The following NFATC3 variants were observed in gnomAD, a reference collection of about 807,000 sequenced individuals.
NFATC3 encodes nuclear factor of activated T cells 3.
Under a neutral mutation model 98.6 loss-of-function variants are expected in NFATC3, and 46 were observed. The observed-to-expected ratio is 0.47, with a 90% confidence interval of 0.37 to 0.60. The LOEUF is 0.60. Ranked by LOEUF, NFATC3 falls within the 20% of genes least tolerant of loss-of-function variation. The probability of loss-of-function intolerance (pLI) is 0.00; values close to 1 mark genes in which losing one functional copy is unlikely to be tolerated. For missense variants in NFATC3, 1,256 were observed against 1,295.5 expected (o/e 0.97, Z 0.47); for synonymous variants, 512 against 472.2 (o/e 1.08, Z -1.09).
At chr16:68,217,424 A>G (rs1444663581) in intron 9 of NFATC3, among the ~76,000 whole-genome samples, 1 of 140,296 alleles carries the variant, frequency 7.1e-6, no homozygotes, top group Non-Finnish European at 1.5e-5. Flanking sequence ...ATGCCACTGC[A>G]CTCCAGCCTG....
intron 1 of NFATC3, among the ~76,000 whole-genome samples, chr16:68,115,493 C>T (rs1462567807): frequency 2.6e-5 from 4 of 152,064 alleles, no homozygotes; most frequent in African/African-American, 4.8e-5. Context: ...AGCGCAATCT[C>T]GGCTTACTGC....
Position 68,183,363 on chromosome 16 carries a change from C to T in NFATC3, c.2095C>T (p.Pro699Ser). Reference sequence around the variant, plus strand: ...CCAGTCTCAACGTTTTACTTATACACCAGGTACGAGGAGTCATGATGGTTT... The same window carrying T: ...CCAGTCTCAACGTTTTACTTATACATCAGGTACGAGGAGTCATGATGGTTT... ...KSQSQRFTYTPVLMKQEHREE... is the reference protein window; with the variant it reads ...KSQSQRFTYTSVLMKQEHREE... The change falls in exon 8 of 10, where the codon CCA becomes TCA. Residue 699 changes from proline to serine, a missense_variant. Pro to Ser is a moderately conservative substitution (Grantham distance 74, BLOSUM62 -1). Coordinates refer to ENST00000346183, the MANE Select transcript of NFATC3 (RefSeq NM_173165.3). 4 of 1,611,982 alleles carry T rather than the reference C, an allele frequency of 2.5e-6. No individual in the cohort carries two copies. Among genetic ancestry groups the T allele is most frequent in the Non-Finnish European group, 3.4e-6 (4 of 1,179,888 alleles).
At chr16:68,182,173 T>G (rs2039975708) in intron 7 of NFATC3, among the ~76,000 whole-genome samples, 1 of 152,106 alleles carries the variant, frequency 6.6e-6, no homozygotes. Flanking sequence ...CATGGAAAAA[T>G]GAGAAAGAAC....
chr16:68,093,041 T>C (rs1029292563), intron 1 of NFATC3, among the ~76,000 whole-genome samples: 2 of 152,202 alleles, frequency 1.3e-5, no homozygotes, highest in Non-Finnish European at 1.5e-5. Flanking sequence ...CCACTCCTTT[T>C]TGTCTGTAAC....
chr16:68,105,416 AATATGGTATATT>A (rs1210327732), intron 1 of NFATC3, among the ~76,000 whole-genome samples: 2 of 151,992 alleles, frequency 1.3e-5, no homozygotes, highest in Non-Finnish European at 2.9e-5. Context: ...TCACTCTATT[AATATGGTATATT>A]ATATCAGTTG....
rs2039224557 is a variant in NFATC3 at position 68,166,912 on chromosome 16, T to C, written c.1671T>C (p.Ile557=). 6.2e-7 allele frequency: 1 copy of C among 1,614,162 alleles called. No homozygotes were observed. The part of the protein sequence containing the change: ...DIELRKGETD[I]GRKNTRVRLV... ...AACTTCGAAAAGGAGAAACTGATATTGGCAGAAAGAATACTAGAGTACGAC... is the reference window on the plus strand; with the variant it reads ...AACTTCGAAAAGGAGAAACTGATATCGGCAGAAAGAATACTAGAGTACGAC... The change falls in exon 5 of 10, where the codon ATT becomes ATC. Residue 557 remains isoleucine, a synonymous_variant. Coordinates refer to ENST00000346183, the MANE Select transcript of NFATC3 (RefSeq NM_173165.3).
chr16:68,100,537 G>A (rs1212806727), intron 1 of NFATC3, among the ~76,000 whole-genome samples: 1 of 151,686 alleles, frequency 6.6e-6, no homozygotes, highest in East Asian at 1.9e-4. Flanking sequence ...TTGTGCCGCT[G>A]TACTCCAGCC....
intron 9 of NFATC3, among the ~76,000 whole-genome samples, chr16:68,201,536 G>A (rs1193837603): frequency 6.6e-6 from 1 of 151,570 alleles, no homozygotes; most frequent in Admixed American, 6.6e-5. Flanking sequence ...CTCCCAAAGT[G>A]CTGGTATTAC....
At chr16:68,226,182 A>T (rs1331362047) in intron 9 of NFATC3, 168 bp from the exon 10 acceptor site, 25 of 697,076 alleles carry the variant, frequency 3.6e-5, no homozygotes, top group African/African-American at 3.6e-4. Context: ...TTGTGGAGCG[A>T]TGTTTCCATC....
Position 68,144,573 on chromosome 16 carries a change from G to C in NFATC3, c.1402-13296G>C, listed in dbSNP as rs141857850. ...TTATCCAGACTGGTCTTGAACTCCT[G>C]AGCTCAAGCGATCCATCCACCTTGC... On this transcript the variant is annotated intron_variant, in intron 3 of 9. Coordinates refer to ENST00000346183, the MANE Select transcript of NFATC3 (RefSeq NM_173165.3). 6.9e-3 allele frequency among the ~76,000 whole-genome samples: 1,054 copies of C among 152,060 alleles called. 17 individuals carry two copies. Among genetic ancestry groups the C allele is most frequent in the African/African-American group, 0.024 (981 of 41,456 alleles).
intron 3 of NFATC3, among the ~76,000 whole-genome samples, chr16:68,155,815 TACACAC>T (rs201494976): frequency 3.3e-5 from 5 of 151,488 alleles, no homozygotes; most frequent in African/African-American, 1.2e-4. Context: ...TAAACAACCA[TACACAC>T]ACACACAAGA....
At chr16:68,176,221 C>G (rs2039697335) in intron 6 of NFATC3, among the ~76,000 whole-genome samples, 1 of 152,194 alleles carries the variant, frequency 6.6e-6, no homozygotes, top group Non-Finnish European at 1.5e-5. Flanking sequence ...CACGATCCAC[C>G]CGTCTCGGCC....
chr16:68,119,557 A>G (rs1449304318), intron 1 of NFATC3, among the ~76,000 whole-genome samples: 2 of 152,044 alleles, frequency 1.3e-5, no homozygotes, highest in South Asian at 4.2e-4. Flanking sequence ...CACTTCAACA[A>G]TGCTGTACCT....
chr16:68,121,762 T>C (rs984152684), intron 1 of NFATC3, among the ~76,000 whole-genome samples: 3 of 152,036 alleles, frequency 2.0e-5, no homozygotes, highest in Admixed American at 2.0e-4. Flanking sequence ...AAATTACATA[T>C]GTAATTGTAT....
Position 68,122,289 on chromosome 16 carries a change from C to T in NFATC3, c.406C>T (p.Pro136Ser). Residue 136 changes from proline to serine, a missense_variant, in exon 2 of 10, where the codon CCA becomes TCA. Physicochemically the swap from Pro to Ser is moderately conservative, Grantham distance 74. Coordinates refer to ENST00000346183, the MANE Select transcript of NFATC3 (RefSeq NM_173165.3). ...TGAAGATGACCTACAGATAAATGAC[C>T]CAGAACGGGAATTTTTGGAAAGGCC... ...AHEDDLQIND[P>S]EREFLERPSR... is the part of the protein sequence containing the mutation. The T allele has an allele frequency of 6.2e-7, 1 of 1,614,052 alleles. No individual in the cohort carries two copies. Among genetic ancestry groups the T allele is most frequent in the Admixed American group, 1.7e-5 (1 of 60,002 alleles).
chr16:68,151,710 T>C (rs1403691974), intron 3 of NFATC3, among the ~76,000 whole-genome samples: 1 of 152,096 alleles, frequency 6.6e-6, no homozygotes, highest in Non-Finnish European at 1.5e-5. Context: ...CTTCACAACA[T>C]TTAAAAAATG....
At chr16:68,142,647 A>G (rs189183451) in intron 3 of NFATC3, among the ~76,000 whole-genome samples, 118 of 152,044 alleles carry the variant, frequency 7.8e-4, no homozygotes, top group Middle Eastern at 3.4e-3. Context: ...AATCTCAGCT[A>G]CTTGGGAGGC....
Position 68,218,660 on chromosome 16 carries a change from C to T in NFATC3, c.3107-7690C>T, listed in dbSNP as rs544615798. On this transcript the variant is annotated intron_variant, in intron 9 of 9. Coordinates refer to ENST00000346183, the MANE Select transcript of NFATC3 (RefSeq NM_173165.3). The stretch of plus-strand genomic sequence containing the variant: ...CGATCTTGGCTCACTGCAAGCTCTG[C>T]CTCATGGGTTCACTCCATTCTCCTG... Among the ~76,000 whole-genome samples, 1,499 of 150,848 alleles carry T rather than the reference C, an allele frequency of 9.9e-3. 13 individuals are homozygous for T. The highest frequency in any genetic ancestry group is 0.015 in the Non-Finnish European group (983 of 67,666).
intron 3 of NFATC3, among the ~76,000 whole-genome samples, chr16:68,143,071 A>C (rs535734183): frequency 2.0e-5 from 3 of 152,214 alleles, no homozygotes; most frequent in African/African-American, 7.2e-5. Context: ...GTCTCTACCA[A>C]AAAATAAAAA....
Sources: gnomAD v4.1 joint callset for allele counts (sites outside exome capture counted in the v4.1 genomes callset) on GRCh38, gnomAD v4.1.1 for gene constraint, MANE v1.5 for transcripts, NCBI Gene and HGNC (gene_info 2026-07-23, HGNC 2026-07-21) for gene names.